Variants in TLK1 observed in about 807,000 individuals in gnomAD.
TLK1 encodes serine/threonine-protein kinase tousled-like 1.
Under a neutral mutation model 105.3 loss-of-function variants are expected in TLK1, and 24 were observed. The ratio of observed to expected loss-of-function variants is 0.23; its 90% CI spans 0.17 to 0.32. TLK1 has a LOEUF of 0.32. TLK1 is among the 10% of genes least tolerant of loss of function. The probability of loss-of-function intolerance (pLI) is 1.00; values close to 1 mark genes in which losing one functional copy is unlikely to be tolerated. For missense variants in TLK1, 558 were observed against 910.5 expected (o/e 0.61, Z 4.98); for synonymous variants, 321 against 310.4 (o/e 1.03, Z -0.36).
upstream of TLK1, among the ~76,000 whole-genome samples, chr2:171,165,520 T>C (rs1692590103): frequency 6.6e-6 from 1 of 151,840 alleles, no homozygotes. Flanking sequence ...TCCAATATTA[T>C]AGACATACTA....
chr2:171,171,611 A>G (rs1692731074), intron 1 of TLK1, among the ~76,000 whole-genome samples: 1 of 152,214 alleles, frequency 6.6e-6, no homozygotes, highest in African/African-American at 2.4e-5. Flanking sequence ...AAAAAGCAAA[A>G]TAAAACCTTT....
chr2:171,210,013 G>A (rs1467660143), intron 1 of TLK1, among the ~76,000 whole-genome samples: 1 of 152,120 alleles, frequency 6.6e-6, no homozygotes. Context: ...TGCCTGTTTT[G>A]TACCTCCTAT....
chr2:171,140,361 A>G (rs887395000), intron 1 of TLK1, among the ~76,000 whole-genome samples: 1 of 152,216 alleles, frequency 6.6e-6, no homozygotes, highest in Non-Finnish European at 1.5e-5. Context: ...TCAGGCAGTA[A>G]AGAAATGGGG....
At chr2:171,139,114 G>A (rs1367471184) in intron 1 of TLK1, among the ~76,000 whole-genome samples, 1 of 152,210 alleles carries the variant, frequency 6.6e-6, no homozygotes, top group Admixed American at 6.5e-5. Flanking sequence ...ACAGGACAAA[G>A]AATTGAGTAC....
At chr2:171,039,846 A>C (rs1426472721) in intron 11 of TLK1, among the ~76,000 whole-genome samples, 1 of 152,192 alleles carries the variant, frequency 6.6e-6, no homozygotes, top group Non-Finnish European at 1.5e-5. Context: ...ACAAACAAAA[A>C]CTGGTCACTA....
Position 170,993,026 on chromosome 2 carries a change from G to A in TLK1, c.*754C>T, listed in dbSNP as rs539094642. The A allele has an allele frequency of 1.3e-5, 2 of 152,676 alleles. No homozygotes were observed. Among genetic ancestry groups the A allele is most frequent in the African/African-American group, 4.8e-5 (2 of 41,554 alleles). 9.5% of individuals were successfully genotyped at this position (152,676 alleles called of 1,614,324 possible). ...AAAAATACCTGTTATCAATTCTAAC[G>A]TGTTGAAAACACTGGCAATATTATA... On this transcript the variant is annotated 3_prime_UTR_variant, in exon 21 of 21. Transcript: ENST00000431350.
chr2:171,130,851 G>A (rs575893012), intron 1 of TLK1, among the ~76,000 whole-genome samples: 27 of 152,026 alleles, frequency 1.8e-4, no homozygotes, highest in Non-Finnish European at 3.1e-4. Flanking sequence ...CAACTCTAAC[G>A]TGCTATCAAG....
At chr2:171,168,845 C>T (rs995958513) in intron 1 of TLK1, among the ~76,000 whole-genome samples, 2 of 152,154 alleles carry the variant, frequency 1.3e-5, no homozygotes. Flanking sequence ...CTTTGGGAAG[C>T]AGAGGCAGGT....
At chr2:171,147,826 T>C (rs1265811835) in intron 1 of TLK1, among the ~76,000 whole-genome samples, 6 of 152,326 alleles carry the variant, frequency 3.9e-5, no homozygotes, top group East Asian at 1.9e-4. Flanking sequence ...GACGCAGTTA[T>C]ACCATTTAAG....
At position 171,053,828 on chromosome 2, in the gene TLK1, G is replaced by T; in HGVS notation, c.665C>A (p.Ala222Glu). ...CTGGATTTTATTACTTTCTAATGCTGCTAATTTCAGCATTGTGAGATCAGT... is the reference window on the plus strand; with the variant it reads ...CTGGATTTTATTACTTTCTAATGCTTCTAATTTCAGCATTGTGAGATCAGT... The part of the protein sequence containing the change: ...IQTDLTMLKL[A>E]ALESNKIQDL... Residue 222 changes from alanine (A) to glutamate (E), a missense_variant, in exon 8 of 21, where the codon GCA becomes GAA. By Grantham distance (107) the Ala-to-Glu change is moderately radical (BLOSUM62 -1). Transcript: ENST00000431350. 6.2e-7 allele frequency: 1 copy of T among 1,607,128 alleles called. No individual in the cohort carries two copies. The highest frequency in any genetic ancestry group is 2.3e-5 in the East Asian group (1 of 44,422).
chr2:171,093,841 T>C lies in TLK1; in HGVS notation c.259-10989A>G, dbSNP rs570278454. ...GAGATTTAAGTTGATCACTTCTGCA[T>C]AATGAGAAGACTCCCCTTACCCACC... is the stretch of plus-strand genomic sequence containing the variant. On this transcript the variant is annotated intron_variant, in intron 2 of 20. Transcript: ENST00000431350. Among the ~76,000 whole-genome samples, 5 of 152,272 alleles carry C rather than the reference T, an allele frequency of 3.3e-5. No homozygotes were observed. The South Asian group carries it at 8.3e-4, about 25-fold the overall frequency.
chr2:171,118,161 T>G (rs1690512148), intron 1 of TLK1, among the ~76,000 whole-genome samples: 1 of 152,188 alleles, frequency 6.6e-6, no homozygotes, highest in Non-Finnish European at 1.5e-5. Flanking sequence ...CTTACTGCAA[T>G]GCAGTAGTAA....
At chr2:171,161,546 CT>C (rs1234380167), upstream of TLK1, among the ~76,000 whole-genome samples, 1 of 152,126 alleles carries the variant, frequency 6.6e-6, no homozygotes, top group African/African-American at 2.4e-5. Context: ...AGTGAAGAAT[CT>C]TTAATGAGGA....
chr2:171,033,155 G>A (rs532358132), intron 11 of TLK1, among the ~76,000 whole-genome samples: 1 of 152,192 alleles, frequency 6.6e-6, no homozygotes, highest in Non-Finnish European at 1.5e-5. Flanking sequence ...GCAGTGAGCT[G>A]AGATCGCACC....
chr2:171,118,468 T>G (rs1464585998), intron 1 of TLK1, among the ~76,000 whole-genome samples: 1 of 152,200 alleles, frequency 6.6e-6, no homozygotes, highest in Non-Finnish European at 1.5e-5. Context: ...TTTTGTACGG[T>G]TGATAGTTTT....
chr2:171,129,830 AATAACATAACATAACATAACATAAC>A (rs3084410), intron 1 of TLK1, among the ~76,000 whole-genome samples: 20 of 142,684 alleles, frequency 1.4e-4, no homozygotes, highest in Admixed American at 3.6e-4. Flanking sequence ...TAGGTTACCA[AATAACATAACATAACATAACATAAC>A]ATAACATAAC....
chr2:171,082,642 G>A (rs1294858406), intron 3 of TLK1, 139 bp downstream of exon 3: 1 of 694,456 alleles, frequency 1.4e-6, no homozygotes, highest in South Asian at 1.8e-5. Context: ...GCTTCATAAG[G>A]CAGAACAAAA....
At chr2:171,013,318 CTTTTTT>C (rs774923512) in intron 13 of TLK1, among the ~76,000 whole-genome samples, 128 of 74,150 alleles carry the variant, frequency 1.7e-3, no homozygotes, top group African/African-American at 6.6e-3. Context: ...TGGCCCCTCA[CTTTTTT>C]TTTTTTTTTT....
At chr2:171,200,517 A>G (rs1453504621) in intron 1 of TLK1, among the ~76,000 whole-genome samples, 1 of 152,220 alleles carries the variant, frequency 6.6e-6, no homozygotes. Flanking sequence ...TTAGGAATTT[A>G]AAATTCAGGC....
Sources: allele counts gnomAD v4.1 joint callset (sites outside exome capture counted in the v4.1 genomes callset), GRCh38; gene constraint gnomAD v4.1.1; transcripts MANE v1.5; gene names NCBI Gene and HGNC (gene_info 2026-07-23, HGNC 2026-07-21).